Variants in SEL1L3 observed in about 807,000 individuals in gnomAD.
SEL1L3 encodes the protein SEL1L family member 3.
In SEL1L3, 76 loss-of-function variants were observed where a neutral mutation model predicts 142.8. The ratio of observed to expected loss-of-function variants is 0.53; its 90% CI spans 0.44 to 0.64. SEL1L3 has a LOEUF of 0.64. Ranked by LOEUF, SEL1L3 falls within the 30% of genes least tolerant of loss-of-function variation. The probability of loss-of-function intolerance (pLI) is 0.00; values close to 1 mark genes in which losing one functional copy is unlikely to be tolerated. For synonymous variants in SEL1L3, 504 were observed against 519.6 expected (o/e 0.97, Z 0.41); for missense variants, 1,262 against 1,381.7 (o/e 0.91, Z 1.37).
intron 2 of SEL1L3, among the ~76,000 whole-genome samples, chr4:25,843,113 G>C (rs888287256): frequency 6.6e-6 from 1 of 152,190 alleles, no homozygotes; most frequent in African/African-American, 2.4e-5. Context: ...GCTGGAAGCA[G>C]TGGGGAAGGG....
the SEL1L3 span, among the ~76,000 whole-genome samples, chr4:25,726,043 C>G: frequency 2.0e-5 from 3 of 152,120 alleles, no homozygotes; most frequent in Non-Finnish European, 4.4e-5. Flanking sequence ...CCCAACAGGT[C>G]TCAGCCTCAT....
rs2109134729 is a variant in SEL1L3 at position 25,765,249 on chromosome 4, C to G, written c.2955+77G>C. Reference sequence around the variant, plus strand: ...CCTCAAGTGACCCGCCCCCGTCGGCCTCCCAAAGGGCTGGGATTACAGGCA... The same window carrying G: ...CCTCAAGTGACCCGCCCCCGTCGGCGTCCCAAAGGGCTGGGATTACAGGCA... On this transcript the variant is annotated intron_variant, in intron 20 of 23. Transcript: ENST00000399878. 3.0e-6 allele frequency: 3 copies of G among 984,618 alleles called. No individual in the cohort carries two copies. In the East Asian group the frequency reaches 7.2e-5, roughly 24 times the overall value. 61.0% of individuals were successfully genotyped at this position (984,618 alleles called of 1,614,324 possible). A position where few individuals can be genotyped will look rare whatever the true frequency, so the allele number is the denominator to read the frequency against.
chr4:25,828,369 C>T (rs1397632415), intron 6 of SEL1L3, among the ~76,000 whole-genome samples: 1 of 150,336 alleles, frequency 6.7e-6, no homozygotes, highest in Non-Finnish European at 1.5e-5. Context: ...CAAGATTCTG[C>T]ATTTCTTTTC....
chr4:25,773,150 TTA>T (rs777079771), intron 17 of SEL1L3, among the ~76,000 whole-genome samples: 13 of 152,206 alleles, frequency 8.5e-5, no homozygotes, highest in Non-Finnish European at 1.6e-4. Flanking sequence ...AGTTGAAGAA[TTA>T]TATGTTATAT....
chr4:25,808,959 T>G lies in SEL1L3; in HGVS notation c.1565-4207A>C, dbSNP rs60901741. Among the ~76,000 whole-genome samples the G allele has an allele frequency of 1.5e-4, 23 of 148,950 alleles. No homozygotes were observed. In the South Asian group the frequency reaches 2.8e-3, roughly 18 times the overall value. On this transcript the variant is annotated intron_variant, in intron 9 of 23. Transcript: ENST00000399878. Reference sequence around the variant, plus strand: ...GTGGTGGCGAGTGCCTGTAGTCCCATCTACTTGGGAGGGTGAGGCAGGAGA... The same window carrying G: ...GTGGTGGCGAGTGCCTGTAGTCCCAGCTACTTGGGAGGGTGAGGCAGGAGA...
chr4:25,754,502 C>G (rs1018714705), intron 23 of SEL1L3, among the ~76,000 whole-genome samples: 1 of 151,812 alleles, frequency 6.6e-6, no homozygotes, highest in African/African-American at 2.4e-5. Flanking sequence ...GAGTGAACCA[C>G]CATACCCGTC....
the SEL1L3 span, among the ~76,000 whole-genome samples, chr4:25,715,654 T>C: frequency 6.6e-6 from 1 of 152,016 alleles, no homozygotes; most frequent in Admixed American, 6.6e-5. Flanking sequence ...AACAACAAAA[T>C]ATGGGAAAGA....
chr4:25,829,229 TCCCAAAGCGC>T (rs1715284377), intron 6 of SEL1L3, among the ~76,000 whole-genome samples: 14 of 152,216 alleles, frequency 9.2e-5, no homozygotes, highest in Admixed American at 9.2e-4. Flanking sequence ...TGCCTTGGCC[TCCCAAAGCGC>T]TGGGATTACA....
intron 4 of SEL1L3, 73 bp from the exon 5 acceptor site, chr4:25,833,183 C>T (rs780647578): frequency 3.2e-4 from 285 of 900,542 alleles, no homozygotes; most frequent in Middle Eastern, 2.8e-3. Context: ...TAGGCCTTTT[C>T]AACAATTGTC....
the SEL1L3 span, among the ~76,000 whole-genome samples, chr4:25,715,096 TAGAAAC>T: frequency 6.6e-6 from 1 of 152,142 alleles, no homozygotes; most frequent in South Asian, 2.1e-4. Flanking sequence ...AATAATTCGA[TAGAAAC>T]AGATAGATCA....
chr4:25,736,221 C>CTGTG, the SEL1L3 span, among the ~76,000 whole-genome samples: 3 of 147,766 alleles, frequency 2.0e-5, no homozygotes, highest in Non-Finnish European at 3.0e-5. Flanking sequence ...GATTGTGTGT[C>CTGTG]TGTGTGTGTG....
intron 8 of SEL1L3, 134 bp downstream of exon 8, chr4:25,819,674 A>AG (rs141742204): frequency 0.03 from 22,134 of 731,626 alleles, 601 homozygotes; most frequent in Middle Eastern, 0.091. Flanking sequence ...GGAGGGCTCA[A>AG]GGTCACACTT....
rs200569083 is a variant in SEL1L3 at position 25,819,861 on chromosome 4, A to G, written c.1370T>C (p.Ile457Thr). 3.7e-6 allele frequency: 6 copies of G among 1,613,590 alleles called. No individual in the cohort carries two copies. Among genetic ancestry groups the G allele is most frequent in the Non-Finnish European group, 4.2e-6 (5 of 1,179,746 alleles). ...YYERCAEVQE[I>T]VSVYASAAKH... Reference sequence around the variant, plus strand: ...TGCTGCAGATGCATACACAGATACTATTTCTTGAACCTCAGCACACCTTTC... The same window carrying G: ...TGCTGCAGATGCATACACAGATACTGTTTCTTGAACCTCAGCACACCTTTC... The change falls in exon 8 of 24, where the codon ATA becomes ACA. Residue 457 changes from isoleucine to threonine, a missense_variant. Coordinates refer to ENST00000399878, the MANE Select transcript of SEL1L3 (RefSeq NM_015187.5).
At chr4:25,714,536 C>CTTTCTTTCTTTA in the SEL1L3 span, among the ~76,000 whole-genome samples, 1 of 98,730 alleles carries the variant, frequency 1.0e-5, no homozygotes, top group Non-Finnish European at 2.3e-5. Flanking sequence ...TTCTTTCTTT[C>CTTTCTTTCTTTA]TTTCTTTCTT....
At chr4:25,786,329 G>A (rs966659733) in intron 13 of SEL1L3, among the ~76,000 whole-genome samples, 1 of 152,170 alleles carries the variant, frequency 6.6e-6, no homozygotes, top group African/African-American at 2.4e-5. Flanking sequence ...GCCACAGGCG[G>A]AAATCTTCCC....
At chr4:25,744,636 G>T (rs1455926607), downstream of SEL1L3, among the ~76,000 whole-genome samples, 1 of 152,192 alleles carries the variant, frequency 6.6e-6, no homozygotes, top group Non-Finnish European at 1.5e-5. Flanking sequence ...TTACTGGTGT[G>T]AGCCACTGCG....
chr4:25,749,872 T>A (rs375902795), intron 23 of SEL1L3, among the ~76,000 whole-genome samples: 15 of 152,190 alleles, frequency 9.9e-5, no homozygotes, highest in East Asian at 5.8e-4. Context: ...AGAAAAAGAG[T>A]AATATTTCGC....
intron 16 of SEL1L3, among the ~76,000 whole-genome samples, chr4:25,778,189 G>A (rs1270857561): frequency 6.6e-6 from 1 of 152,112 alleles, no homozygotes; most frequent in Non-Finnish European, 1.5e-5. Context: ...GAAAGAGAAA[G>A]AAAGGGGTCT....
chr4:25,767,935 TAAAAA>T (rs982816058), intron 17 of SEL1L3, 105 bp from the exon 18 acceptor site: 1 of 692,526 alleles, frequency 1.4e-6, no homozygotes, highest in Non-Finnish European at 2.4e-6. Flanking sequence ...GCAGTTTTTT[TAAAAA>T]AACCACAAAA....
Sources: gnomAD v4.1 joint callset for allele counts (sites outside exome capture counted in the v4.1 genomes callset) on GRCh38, gnomAD v4.1.1 for gene constraint, MANE v1.5 for transcripts, NCBI Gene and HGNC (gene_info 2026-07-23, HGNC 2026-07-21) for gene names.